The following PKD1 variants were observed in gnomAD, a reference collection of about 807,000 sequenced individuals.
PKD1 encodes the protein polycystin-1.
In PKD1, 81 loss-of-function variants were observed where a neutral mutation model predicts 361.7. The observed-to-expected ratio is 0.22, with a 90% CI of 0.19 to 0.27. PKD1 has a LOEUF of 0.27. PKD1 is among the 10% of genes least tolerant of loss of function. The pLI is 1.00. For synonymous variants in PKD1, 3,615 were observed against 2,818.3 expected (o/e 1.28, Z -8.95); for missense variants, 6,399 against 6,118.3 (o/e 1.05, Z -1.53).
chr16:2,109,737 G>A lies in PKD1; in HGVS notation c.5430C>T (p.Ser1810=), dbSNP rs146515679. The part of the protein sequence containing the change: ...VPVSGLSIRA[S]EPGGSFVAAG... ...CCGCCACGAAGCTGCCTCCGGGCTC[G>A]CTGGCCCTGATGCTGAGGCCACTCA... Residue 1810 remains serine, a synonymous_variant, in exon 15 of 46, where the codon AGC becomes AGT. Coordinates refer to ENST00000262304, the MANE Select transcript of PKD1 (RefSeq NM_001009944.3). 5.2e-5 allele frequency: 83 copies of A among 1,608,202 alleles called. No homozygotes were observed. Among genetic ancestry groups the A allele is most frequent in the Middle Eastern group, 2.2e-4 (1 of 4,468 alleles).
intron 26 of PKD1, 91 bp downstream of exon 26, chr16:2,101,970 T>C: frequency 1.3e-6 from 1 of 792,860 alleles, no homozygotes; most frequent in Non-Finnish European, 2.2e-6. Context: ...TGCCTTGTTC[T>C]GACGCCTGCG....
In PKD1 at chr16:2,092,160, C is replaced by T. The variant is rs2091621350; in HGVS notation, c.11298G>A (p.Arg3766=). 6.2e-7 allele frequency: 1 copy of T among 1,611,042 alleles called. No individual in the cohort carries two copies. Among genetic ancestry groups the T allele is most frequent in the Non-Finnish European group, 8.5e-7 (1 of 1,179,310 alleles). The change falls in exon 40 of 46, where the codon AGG becomes AGA. Residue 3766 remains arginine (R), a synonymous_variant. Coordinates refer to ENST00000262304, the MANE Select transcript of PKD1 (RefSeq NM_001009944.3). ...CTCCTGCGGCCGAGCACGTGTGGAC[C>T]CTGGGGCCGGGAGGGTCTGGGTAGA... ...EALYPDPPGP[R]VHTCSAAGGF... is the part of the protein sequence containing the mutation.
At position 2,091,444 on chromosome 16, in the gene PKD1, G is replaced by A. The variant is rs1426879658; in HGVS notation, c.11691C>T (p.Leu3897=). 11 of 1,199,448 alleles carry A rather than the reference G, an allele frequency of 9.2e-6. No homozygotes were observed. The highest frequency in any genetic ancestry group is 2.6e-5 in the South Asian group (1 of 38,676). 74.3% of individuals were successfully genotyped at this position (1,199,448 alleles called of 1,614,324 possible). ...PFALRRLSAG[L]SLPLLTSVCL... ...GTACCGAGGTGAGCAGAGGCAGCGA[G>A]AGGCCCGCGCTGAGGCGGCGCAGCG... The change falls in exon 42 of 46, where the codon CTC becomes CTT. Residue 3897 remains leucine (L), a synonymous_variant. Coordinates refer to ENST00000262304, the MANE Select transcript of PKD1 (RefSeq NM_001009944.3).
In PKD1 at chr16:2,103,272, G is replaced by A. The variant is rs1367623635; in HGVS notation, c.8785C>T (p.Leu2929=). 1.4e-5 allele frequency: 23 copies of A among 1,609,730 alleles called. No homozygotes were observed. The highest frequency in any genetic ancestry group is 4.5e-5 in the East Asian group (2 of 44,876). ...GLHLQLNYTL[L]DGHYLSEEPE... is the part of the protein sequence containing the mutation. The stretch of plus-strand genomic sequence containing the variant: ...CCCCACCCGCTGCACGCACCGTCCA[G>A]CAGCGTATAGTTGAGCTGCAGATGC... Residue 2929 remains leucine, a synonymous_variant, in exon 23 of 46, where the codon CTG becomes TTG. Coordinates refer to ENST00000262304, the MANE Select transcript of PKD1 (RefSeq NM_001009944.3).
Position 2,112,542 on chromosome 16 carries a change from T to G in PKD1, c.3162-69A>C, listed in dbSNP as rs2092542813. On this transcript the variant is annotated intron_variant, in intron 13 of 45. Transcript: ENST00000262304. ...GGGCGGTGGCGGGGCAGGGGGTGCT[T>G]GGGACCCAGCCGAGGCTCCACTCTG... 4 of 1,425,020 alleles carry G rather than the reference T, an allele frequency of 2.8e-6. No homozygotes were observed. In the East Asian group the frequency reaches 9.7e-5, roughly 34 times the overall value. 88.3% of individuals were successfully genotyped at this position (1,425,020 alleles called of 1,614,324 possible).
Position 2,105,899 on chromosome 16 carries a change from T to A in PKD1, c.7829A>T (p.Glu2610Val), listed in dbSNP as rs768882400. 7.5e-6 allele frequency: 12 copies of A among 1,596,486 alleles called. No homozygotes were observed. The highest frequency in any genetic ancestry group is 1.0e-5 in the Non-Finnish European group (12 of 1,179,686). The change falls in exon 20 of 46, where the codon GAG becomes GTG. Residue 2610 changes from glutamate to valine, a missense_variant. Glu to Val is a moderately radical substitution (Grantham distance 121). Coordinates refer to ENST00000262304, the MANE Select transcript of PKD1 (RefSeq NM_001009944.3). ...CACGGTGACCAGGGCCAACGAGTAC[T>A]CGATGACGTGCTGGGGATCGGCCTG... Reference protein sequence around the residue: ...LRQADPQHVIEYSLALVTVLN... With the variant: ...LRQADPQHVIVYSLALVTVLN...
At chr16:2,097,063 A>G in intron 34 of PKD1, 85 bp downstream of exon 34, 1 of 780,524 alleles carries the variant, frequency 1.3e-6, no homozygotes, top group Non-Finnish European at 2.1e-6. Context: ...ACCCCACCCT[A>G]CCCCAGGCGG....
chr16:2,109,101 C>G lies in PKD1; in HGVS notation c.6066G>C (p.Ser2022=). The G allele has an allele frequency of 6.2e-7, 1 of 1,603,136 alleles. No homozygotes were observed. Among genetic ancestry groups the G allele is most frequent in the Non-Finnish European group, 8.5e-7 (1 of 1,173,846 alleles). The change falls in exon 15 of 46, where the codon TCG becomes TCC. Residue 2022 remains serine (S), a synonymous_variant. Transcript: ENST00000262304. The part of the protein sequence containing the change: ...KVQGDSLVIL[S]GRDVTYTPVA... ...CGGGCGTGTAGGTGACGTCGCGGCC[C>G]GACAGGATGACCAGCGAGTCGCCCT...
chr16:2,091,439 A>G lies in PKD1; in HGVS notation c.11696T>C (p.Leu3899Pro), dbSNP rs951768474. 1.0e-5 allele frequency: 12 copies of G among 1,192,138 alleles called. No homozygotes were observed. The African/African-American group carries it at 1.2e-4, about 12-fold the overall frequency. The allele number at this position is 1,192,138 out of a possible 1,614,324, so 73.8% of individuals were successfully genotyped here. Residue 3899 changes from leucine (L) to proline (P), a missense_variant, in exon 42 of 46, where the codon CTG (leucine) becomes CCG (proline). Coordinates refer to ENST00000262304, the MANE Select transcript of PKD1 (RefSeq NM_001009944.3). ...CGGGCGTACCGAGGTGAGCAGAGGCAGCGAGAGGCCCGCGCTGAGGCGGCG... is the reference window on the plus strand; with the variant it reads ...CGGGCGTACCGAGGTGAGCAGAGGCGGCGAGAGGCCCGCGCTGAGGCGGCG... The part of the protein sequence containing the change: ...ALRRLSAGLS[L>P]PLLTSVCLLL...
intron 1 of PKD1, among the ~76,000 whole-genome samples, chr16:2,127,278 G>A (rs1001162251): frequency 1.3e-5 from 2 of 152,216 alleles, no homozygotes; most frequent in Non-Finnish European, 2.9e-5. Flanking sequence ...CGGTACTCGC[G>A]GCTCTGCCAA....
Position 2,088,789 on chromosome 16 carries a change from G to A in PKD1, c.*938C>T, listed in dbSNP as rs1464541497. 8.4e-6 allele frequency: 7 copies of A among 831,616 alleles called. No individual in the cohort carries two copies. Among genetic ancestry groups the A allele is most frequent in the East Asian group, 8.1e-5 (3 of 37,198 alleles). 51.5% of individuals were successfully genotyped at this position (831,616 alleles called of 1,614,324 possible). ...GTGTCGAGGCTCTAGAAGCGGCCATGCCCACAGAAGTGGTACACAGAAGCA... is the reference window on the plus strand; with the variant it reads ...GTGTCGAGGCTCTAGAAGCGGCCATACCCACAGAAGTGGTACACAGAAGCA... On this transcript the variant is annotated 3_prime_UTR_variant, in exon 46 of 46. Transcript: ENST00000262304.
At position 2,110,088 on chromosome 16, in the gene PKD1, G is replaced by A; in HGVS notation, c.5079C>T (p.Tyr1693=). 1 of 1,609,938 alleles carries A rather than the reference G, an allele frequency of 6.2e-7. No individual in the cohort carries two copies. Among genetic ancestry groups the A allele is most frequent in the African/African-American group, 1.3e-5 (1 of 74,984 alleles). ...FSLTVLEAGT[Y]HVQLRATNML... ...TGTTGGTGGCCCGCAGCTGCACATG[G>A]TAGGTGCCGGCCTCGAGCACGGTGA... is the stretch of plus-strand genomic sequence containing the variant. Residue 1693 remains tyrosine (Y), a synonymous_variant, in exon 15 of 46, where the codon TAC becomes TAT. Transcript: ENST00000262304.
rs770148930 is a variant in PKD1, at chr16:2,105,853, G to A, written c.7863+12C>T. The stretch of plus-strand genomic sequence containing the variant: ...GCAGCAGATGTGACGTCCCCTCCCA[G>A]GCTGCACTCACCTCGTTCAGCACGG... On this transcript the variant is annotated intron_variant, in intron 20 of 45. Transcript: ENST00000262304. The A allele has an allele frequency of 6.3e-7, 1 of 1,594,796 alleles. No individual in the cohort carries two copies. Among genetic ancestry groups the A allele is most frequent in the Non-Finnish European group, 8.5e-7 (1 of 1,178,462 alleles).
intron 34 of PKD1, among the ~76,000 whole-genome samples, chr16:2,096,478 C>T (rs557082196): frequency 6.6e-6 from 1 of 152,376 alleles, no homozygotes; most frequent in South Asian, 2.1e-4. Context: ...CTCTATATGA[C>T]CATTTGTTGA....
intron 30 of PKD1, chr16:2,098,217 T>C: frequency 1.7e-6 from 1 of 586,850 alleles, no homozygotes; most frequent in Non-Finnish European, 3.1e-6. Flanking sequence ...TTAAATTTCA[T>C]ATTTTCTTTT....
chr16:2,103,153 C>A (rs2092168978), intron 23 of PKD1, 113 bp downstream of exon 23: 5 of 1,356,186 alleles, frequency 3.7e-6, no homozygotes, highest in Non-Finnish European at 5.1e-6. Context: ...CCCCAGCAGC[C>A]CATGAAACAG....
At position 2,097,661 on chromosome 16, in the gene PKD1, C is replaced by T. The variant is rs190961821; in HGVS notation, c.10220+67G>A. On this transcript the variant is annotated intron_variant, in intron 32 of 45. Transcript: ENST00000262304. ...AGACACCCAGCAAGGACACGCAGCC[C>T]GCACACCCCCGGCACCCCAGACACA... 80 of 1,610,694 alleles carry T rather than the reference C, an allele frequency of 5.0e-5. 1 individual carries two copies. Among genetic ancestry groups the T allele is most frequent in the Middle Eastern group, 2.3e-4 (1 of 4,432 alleles).
rs138571055 is a variant in PKD1, at chr16:2,093,942, G to A, written c.10690C>T (p.Leu3564Phe). 1.3e-5 allele frequency: 21 copies of A among 1,586,096 alleles called. No individual in the cohort carries two copies. Among genetic ancestry groups the A allele is most frequent in the Non-Finnish European group, 1.7e-5 (20 of 1,170,176 alleles). ...CASLAHGLSL[L>F]LVAVAVAVSG... ...ACAGCCACAGCCACAGCCACCAGGAGCAGGCTGAGCCCGTGGGCCAGGGAG... is the reference window on the plus strand; with the variant it reads ...ACAGCCACAGCCACAGCCACCAGGAACAGGCTGAGCCCGTGGGCCAGGGAG... The change falls in exon 36 of 46, where the codon CTC becomes TTC. Residue 3564 changes from leucine to phenylalanine, a missense_variant. Transcript: ENST00000262304.
At chr16:2,124,534 T>C (rs1462719194) in intron 1 of PKD1, among the ~76,000 whole-genome samples, 3 of 152,140 alleles carry the variant, frequency 2.0e-5, no homozygotes, top group Non-Finnish European at 2.9e-5. Flanking sequence ...AGAACTTCCC[T>C]GGGTGTGGGG....
Sources: allele counts gnomAD v4.1 joint callset (sites outside exome capture counted in the v4.1 genomes callset), GRCh38; gene constraint gnomAD v4.1.1; transcripts MANE v1.5; gene names NCBI Gene and HGNC (gene_info 2026-07-23, HGNC 2026-07-21).